The following PLA2G4E variants were observed in gnomAD, a reference collection of about 807,000 sequenced individuals.
PLA2G4E encodes cytosolic phospholipase A2 epsilon.
A neutral mutation model predicts 109.1 loss-of-function variants in PLA2G4E; 84 were observed. The observed-to-expected ratio is 0.77, with a 90% CI of 0.65 to 0.92. The LOEUF (loss-of-function observed/expected upper bound fraction) is 0.92, where lower values mean the gene tolerates loss of function less well. Among genes scored for constraint, PLA2G4E ranks in the 40% least tolerant of loss-of-function variants. The pLI is 0.00. For synonymous variants in PLA2G4E, 469 were observed against 436.1 expected (o/e 1.08, Z -0.94); for missense variants, 1,057 against 1,076.6 (o/e 0.98, Z 0.25).
intron 10 of PLA2G4E, 30 bp from the exon 11 acceptor site, chr15:41,997,289 C>A: frequency 6.6e-7 from 1 of 1,514,618 alleles, no homozygotes; most frequent in South Asian, 1.3e-5. Flanking sequence ...TGTATTGGGC[C>A]TGCAGCCTCT....
intron 1 of PLA2G4E, among the ~76,000 whole-genome samples, 115 bp from the exon 1 acceptor site, chr15:42,021,157 A>G (rs1333380427): frequency 6.6e-6 from 1 of 151,886 alleles, no homozygotes; most frequent in Non-Finnish European, 1.5e-5. Context: ...GTAGACAGAT[A>G]GGGTGCATGG....
chr15:42,028,260 G>A (rs776982836), intron 1 of PLA2G4E, among the ~76,000 whole-genome samples: 1 of 152,178 alleles, frequency 6.6e-6, no homozygotes, highest in Non-Finnish European at 1.5e-5. Flanking sequence ...TCAAGGTCAC[G>A]ATGGTAAGTG....
chr15:42,010,133 C>CCCG (rs1555386993), intron 2 of PLA2G4E: 4 of 435,382 alleles, frequency 9.2e-6, no homozygotes, highest in African/African-American at 8.4e-5. Flanking sequence ...AGAACACTGG[C>CCCG]CCCCCCACCC....
At chr15:41,996,978 C>T (rs2068352406) in intron 11 of PLA2G4E, 146 bp downstream of exon 11, 3 of 1,045,212 alleles carry the variant, frequency 2.9e-6, no homozygotes, top group Admixed American at 3.3e-5. Flanking sequence ...ACTTCCAGCA[C>T]AGCTCTCACC....
chr15:42,028,392 T>C (rs564261430), intron 1 of PLA2G4E, among the ~76,000 whole-genome samples: 3 of 18,828 alleles, frequency 1.6e-4, no homozygotes, highest in African/African-American at 2.5e-4. Context: ...TACTTATTTA[T>C]TTATTTATTT....
chr15:42,011,298 G>A (rs915710655), intron 2 of PLA2G4E, among the ~76,000 whole-genome samples: 14 of 152,274 alleles, frequency 9.2e-5, no homozygotes, highest in Non-Finnish European at 1.9e-4. Context: ...GTCACCTGCT[G>A]AGTGACAGGT....
chr15:42,000,314 G>A, intron 7 of PLA2G4E, 32 bp from the exon 8 acceptor site: 2 of 1,535,642 alleles, frequency 1.3e-6, no homozygotes, highest in Non-Finnish European at 1.8e-6. Context: ...TGAGACCCTG[G>A]GAGCCTCTCA....
chr15:41,997,109 T>C lies in PLA2G4E; in HGVS notation c.1110+15A>G, dbSNP rs766248797. The C allele has an allele frequency of 8.1e-5, 126 of 1,554,164 alleles. No individual in the cohort carries two copies. Among genetic ancestry groups the C allele is most frequent in the Non-Finnish European group, 1.1e-4 (121 of 1,148,556 alleles). On this transcript the variant is annotated intron_variant, in intron 11 of 19. Coordinates refer to ENST00000399518, the Ensembl canonical transcript of PLA2G4E. Reference sequence around the variant, plus strand: ...ACCAGCTGGGCCCAGGCTGGCCACATCCCTGATTACCCACCTCGTCCTCCT... The same window carrying C: ...ACCAGCTGGGCCCAGGCTGGCCACACCCCTGATTACCCACCTCGTCCTCCT...
At chr15:41,985,973 T>C in exon 18 of PLA2G4E, 1 of 1,601,560 alleles carries the variant, frequency 6.2e-7, no homozygotes, top group Non-Finnish European at 8.5e-7. Context: ...GCGGACTCGG[T>C]CAGCTGGTTT....
intron 11 of PLA2G4E, among the ~76,000 whole-genome samples, chr15:41,996,485 G>A (rs1393765766): frequency 2.0e-5 from 3 of 151,948 alleles, no homozygotes; most frequent in Non-Finnish European, 1.5e-5. Flanking sequence ...AGTCCTCCTC[G>A]GGCACCCGCC....
At chr15:42,027,395 G>A (rs1490309332) in intron 1 of PLA2G4E, among the ~76,000 whole-genome samples, 1 of 152,182 alleles carries the variant, frequency 6.6e-6, no homozygotes. Flanking sequence ...AGGATATTGG[G>A]CCATGTCTTG....
At chr15:42,047,140 T>C (rs990816858) in intron 1 of PLA2G4E, among the ~76,000 whole-genome samples, 2 of 152,242 alleles carry the variant, frequency 1.3e-5, no homozygotes, top group Non-Finnish European at 2.9e-5. Context: ...TCTATTTCTT[T>C]AAAATATGTT....
At chr15:41,983,948 C>G (rs770730915) in exon 20 of PLA2G4E, 23 of 1,609,604 alleles carry the variant, frequency 1.4e-5, no homozygotes, top group Middle Eastern at 1.7e-4. Context: ...TGGCCCTGCT[C>G]CAGCTCCTCA....
intron 1 of PLA2G4E, among the ~76,000 whole-genome samples, chr15:42,017,184 C>T (rs551100629): frequency 7.3e-4 from 111 of 152,304 alleles, no homozygotes; most frequent in African/African-American, 2.5e-3. Flanking sequence ...GTGGTCCTCT[C>T]GGCCTCACAA....
intron 1 of PLA2G4E, 89 bp from the exon 2 acceptor site, chr15:42,013,846 G>A: frequency 1.0e-6 from 1 of 998,874 alleles, no homozygotes; most frequent in Non-Finnish European, 1.5e-6. Flanking sequence ...TGCCTCCTCA[G>A]GCCGGCCCAG....
chr15:41,989,279 C>T (rs1316449074), intron 15 of PLA2G4E, 136 bp downstream of exon 15: 1 of 1,251,262 alleles, frequency 8.0e-7, no homozygotes, highest in East Asian at 2.5e-5. Flanking sequence ...ACTCTGGTCC[C>T]CAGTGACTTG....
chr15:41,984,858 G>A (rs1483180547), intron 18 of PLA2G4E, among the ~76,000 whole-genome samples: 3 of 152,214 alleles, frequency 2.0e-5, no homozygotes, highest in Non-Finnish European at 4.4e-5. Flanking sequence ...AAGCCCTTTC[G>A]TTGGTGTTCG....
At chr15:42,007,143 G>A (rs912960334) in intron 3 of PLA2G4E, among the ~76,000 whole-genome samples, 2 of 152,198 alleles carry the variant, frequency 1.3e-5, no homozygotes, top group African/African-American at 4.8e-5. Flanking sequence ...ATGCCACTAT[G>A]ATGAGGCCAA....
intron 7 of PLA2G4E, 107 bp downstream of exon 7, chr15:42,001,050 C>A: frequency 8.6e-7 from 1 of 1,167,348 alleles, no homozygotes; most frequent in South Asian, 1.4e-5. Flanking sequence ...AGCTTTTGGT[C>A]CCCCTGAGCC....
Sources: gnomAD v4.1 joint callset for allele counts (sites outside exome capture counted in the v4.1 genomes callset) on GRCh38, gnomAD v4.1.1 for gene constraint, MANE v1.5 for transcripts, NCBI Gene and HGNC (gene_info 2026-07-23, HGNC 2026-07-21) for gene names.